TGM5: variants seen among roughly 807,000 people sequenced by gnomAD.
TGM5 encodes protein-glutamine gamma-glutamyltransferase 5.
TGM5 carries 69 observed loss-of-function variants against 77.2 expected under a neutral mutation model. The ratio of observed to expected loss-of-function variants is 0.89; its 90% CI spans 0.74 to 1.09. The LOEUF is 1.09. Among genes scored for constraint, TGM5 ranks in the 50% least tolerant of loss-of-function variants. The pLI is 0.00. For synonymous variants in TGM5, 346 were observed against 351.8 expected, an observed-to-expected ratio of 0.98 and a Z score of 0.18; for missense variants, 842 against 896.5, an observed-to-expected ratio of 0.94 and a Z score of 0.78.
rs1566837432 is a variant in TGM5, at chr15:43,261,072, G to GT, written c.11-494dup. Among the ~76,000 whole-genome samples the GT allele has an allele frequency of 1.1e-3, 60 of 53,878 alleles. 1 individual carries two copies. The highest frequency in any genetic ancestry group is 3.1e-3 in the African/African-American group (55 of 17,490). The allele number at this position is 53,878 out of a possible 152,430, so 35.3% of individuals were successfully genotyped here. On this transcript the variant is annotated intron_variant, in intron 1 of 12. Transcript: ENST00000220420. The stretch of plus-strand genomic sequence containing the variant: ...CTAGCTGCTCTTCCTTTTTTTGTGT[G>GT]TGTGTTTTTTTTTTTTTTTTTTTTT...
intron 3 of TGM5, among the ~76,000 whole-genome samples, chr15:43,259,427 T>C (rs919248701): frequency 6.7e-5 from 10 of 149,228 alleles, no homozygotes; most frequent in African/African-American, 2.5e-4. Context: ...GATAGGAAAA[T>C]GTGCCCAAAG....
chr15:43,250,800 C>G (rs907728419), intron 6 of TGM5, among the ~76,000 whole-genome samples: 9 of 152,120 alleles, frequency 5.9e-5, no homozygotes, highest in African/African-American at 2.2e-4. Context: ...AACATGGTAG[C>G]TCTTTGGGGG....
At chr15:43,246,666 A>C (rs2042671906) in intron 6 of TGM5, among the ~76,000 whole-genome samples, 1 of 152,150 alleles carries the variant, frequency 6.6e-6, no homozygotes, top group South Asian at 2.1e-4. Context: ...GATGGCTCAA[A>C]TTTGCAGGAT....
At chr15:43,252,608 G>A (rs2042712181) in intron 6 of TGM5, 151 bp downstream of exon 6, 1 of 1,010,026 alleles carries the variant, frequency 9.9e-7, no homozygotes, top group Non-Finnish European at 1.5e-6. Context: ...GAGCCACCGT[G>A]CCCGGCCGAG....
intron 2 of TGM5, 40 bp from the exon 3 acceptor site, chr15:43,260,337 CCAAACCCCCG>C (rs1332820469): frequency 6.2e-7 from 1 of 1,614,120 alleles, no homozygotes; most frequent in Non-Finnish European, 8.5e-7. Context: ...ATGGCGACCT[CCAAACCCCCG>C]AAAATCCCCT....
intron 9 of TGM5, among the ~76,000 whole-genome samples, 181 bp from the exon 10 acceptor site, chr15:43,236,018 C>T (rs1225336808): frequency 6.6e-6 from 1 of 152,226 alleles, no homozygotes; most frequent in Admixed American, 6.5e-5. Flanking sequence ...ACTTCACACC[C>T]TTCCTCCTGT....
intron 4 of TGM5, 40 bp downstream of exon 4, chr15:43,256,528 C>T (rs773797344): frequency 6.6e-7 from 1 of 1,520,632 alleles, no homozygotes; most frequent in Non-Finnish European, 9.1e-7. Context: ...TCCCCACAAG[C>T]TCGGGGCCGG....
In TGM5 at chr15:43,261,074, G is replaced by GTTTTTTTTTTTTTTTTTTTTTTTTT. The variant is rs1387299009; in HGVS notation, c.11-496_11-495insAAAAAAAAAAAAAAAAAAAAAAAAA. On this transcript the variant is annotated intron_variant, in intron 1 of 12. Coordinates refer to ENST00000220420, the MANE Select transcript of TGM5 (RefSeq NM_201631.4). The stretch of plus-strand genomic sequence containing the variant: ...AGCTGCTCTTCCTTTTTTTGTGTGT[G>GTTTTTTTTTTTTTTTTTTTTTTTTT]TGTTTTTTTTTTTTTTTTTTTTTTT... 2.7e-5 allele frequency among the ~76,000 whole-genome samples: 2 copies of GTTTTTTTTTTTTTTTTTTTTTTTTT among 73,866 alleles called. 1 individual carries two copies. 48.5% of individuals were successfully genotyped at this position (73,866 alleles called of 152,430 possible). A position where few individuals can be genotyped will look rare whatever the true frequency, so the allele number is the denominator to read the frequency against.
chr15:43,234,205 G>T (rs763022233), intron 11 of TGM5, among the ~76,000 whole-genome samples: 37 of 152,302 alleles, frequency 2.4e-4, no homozygotes, highest in Non-Finnish European at 5.1e-4. Flanking sequence ...GGGCTCCATG[G>T]GCTTACTTAA....
chr15:43,242,916 G>C (rs917539176), intron 6 of TGM5, among the ~76,000 whole-genome samples: 1 of 152,242 alleles, frequency 6.6e-6, no homozygotes, highest in African/African-American at 2.4e-5. Context: ...AGTCAGGAGG[G>C]TGGATGACAC....
At chr15:43,245,705 A>T (rs1012758772) in intron 6 of TGM5, among the ~76,000 whole-genome samples, 2 of 152,176 alleles carry the variant, frequency 1.3e-5, no homozygotes, top group African/African-American at 4.8e-5. Context: ...ACAAATGAGC[A>T]CTGTTTACAG....
At chr15:43,239,968 G>GT (rs1263942081) in intron 7 of TGM5, among the ~76,000 whole-genome samples, 5 of 152,018 alleles carry the variant, frequency 3.3e-5, no homozygotes, top group East Asian at 1.9e-4. Context: ...AAGCAGAAGT[G>GT]TTTTTTTGGA....
At chr15:43,255,197 G>C (rs1301965161) in intron 4 of TGM5, among the ~76,000 whole-genome samples, 1 of 152,044 alleles carries the variant, frequency 6.6e-6, no homozygotes, top group Non-Finnish European at 1.5e-5. Context: ...AGCCAGGTGT[G>C]GTGGGGCATG....
intron 6 of TGM5, chr15:43,247,877 T>C (rs2042679171): frequency 6.6e-6 from 1 of 152,162 alleles, no homozygotes; most frequent in African/African-American, 2.4e-5. Context: ...TGCACAAAGA[T>C]AATAATATGA....
Position 43,260,477 on chromosome 15 carries a change from G to T in TGM5, c.113C>A (p.Ala38Asp), listed in dbSNP as rs1211285476. ...VDHLLVRRGQ[A>D]FNLTLYFRNR... The stretch of plus-strand genomic sequence containing the variant: ...CCTGAAGTACAGGGTGAGGTTGAAG[G>T]CCTGGCCCCGGCGAACAAGCAGGTG... Residue 38 changes from alanine to aspartate, a missense_variant, in exon 2 of 13, where the codon GCC becomes GAC. By Grantham distance (126) the Ala-to-Asp change is moderately radical (BLOSUM62 -2). This residue lies in a region of TGM5 where 815 missense variants were observed against 844.6 expected (regional missense o/e 0.96). Transcript: ENST00000220420. 1.9e-6 allele frequency: 3 copies of T among 1,614,180 alleles called. No individual in the cohort carries two copies. The highest frequency in any genetic ancestry group is 2.5e-6 in the Non-Finnish European group (3 of 1,180,026).
chr15:43,263,115 C>G (rs912242082), intron 1 of TGM5, among the ~76,000 whole-genome samples: 1 of 152,064 alleles, frequency 6.6e-6, no homozygotes, highest in Non-Finnish European at 1.5e-5. Flanking sequence ...GAAAATAATT[C>G]CATTTATAAC....
chr15:43,263,617 G>A (rs954416357), intron 1 of TGM5, among the ~76,000 whole-genome samples: 9 of 152,194 alleles, frequency 5.9e-5, no homozygotes, highest in African/African-American at 2.2e-4. Context: ...ACATGCAAAA[G>A]AATGAAGTTA....
In TGM5 at chr15:43,264,983, A is replaced by G. The variant is rs145240511; in HGVS notation, c.10+1857T>C. ...TAGGTACTCAGATTTGCTAGGTTGA[A>G]TAGAATTCTCTATCTTTTGCAAAAT... is the stretch of plus-strand genomic sequence containing the variant. On this transcript the variant is annotated intron_variant, in intron 1 of 12. Coordinates refer to ENST00000220420, the MANE Select transcript of TGM5 (RefSeq NM_201631.4). 4.1e-3 allele frequency among the ~76,000 whole-genome samples: 617 copies of G among 152,334 alleles called. 3 individuals are homozygous for G. The highest frequency in any genetic ancestry group is 0.014 in the African/African-American group (585 of 41,580).
At chr15:43,241,119 G>A in intron 6 of TGM5, 129 bp from the exon 7 acceptor site, 1 of 1,203,424 alleles carries the variant, frequency 8.3e-7, no homozygotes, top group South Asian at 1.3e-5. Context: ...GAGCTGTCTG[G>A]AACACTGGAA....
Sources: allele counts gnomAD v4.1 joint callset (sites outside exome capture counted in the v4.1 genomes callset), GRCh38; gene constraint gnomAD v4.1.1; regional missense constraint gnomAD v4.1.1; transcripts MANE v1.5; gene names NCBI Gene and HGNC (gene_info 2026-07-23, HGNC 2026-07-21).